The following STK3 variants were observed in gnomAD, a reference collection of about 807,000 sequenced individuals.
STK3 encodes serine/threonine-protein kinase 3.
STK3 carries 41 observed loss-of-function variants against 58.0 expected under a neutral mutation model. The observed-to-expected ratio is 0.71, with a 90% CI of 0.55 to 0.92. STK3 has a LOEUF of 0.92. Among genes scored for constraint, STK3 ranks in the 40% least tolerant of loss-of-function variants. The pLI, the probability that STK3 is intolerant of heterozygous loss-of-function variation, is 0.00. For missense variants in STK3, 479 were observed against 602.7 expected, an observed-to-expected ratio of 0.79 and a Z score of 2.15; for synonymous variants, 170 against 191.0, an observed-to-expected ratio of 0.89 and a Z score of 0.91.
At chr8:98,896,909 G>A (rs1048049769) in intron 1 of STK3, among the ~76,000 whole-genome samples, 2 of 152,112 alleles carry the variant, frequency 1.3e-5, no homozygotes, top group African/African-American at 4.8e-5. Context: ...AGCCCAATAG[G>A]TGGAGGCTGC....
rs191351690 is a variant in STK3 at position 98,740,737 on chromosome 8, T to C, written c.351+8539A>G. On this transcript the variant is annotated intron_variant, in intron 4 of 10. Transcript: ENST00000419617. ...TCATAATGACAGGATCAAATTCACA[T>C]ATAACAATATTAACTTTAAATGTAA... 1.4e-4 allele frequency among the ~76,000 whole-genome samples: 22 copies of C among 152,180 alleles called. No individual in the cohort carries two copies. The East Asian group carries it at 1.5e-3, about 11-fold the overall frequency.
intron 8 of STK3, among the ~76,000 whole-genome samples, chr8:98,561,584 G>A (rs977849380): frequency 5.3e-5 from 8 of 152,114 alleles, no homozygotes; most frequent in African/African-American, 1.7e-4. Flanking sequence ...CAGGAGGATT[G>A]TAGTTTGAGG....
At chr8:98,485,084 A>G (rs1049782561) in intron 10 of STK3, among the ~76,000 whole-genome samples, 34 of 152,258 alleles carry the variant, frequency 2.2e-4, no homozygotes, top group African/African-American at 8.2e-4. Flanking sequence ...TACTAAAAAT[A>G]CAAAAAATTA....
At chr8:98,473,023 C>T (rs756943549) in intron 10 of STK3, among the ~76,000 whole-genome samples, 115 of 152,158 alleles carry the variant, frequency 7.6e-4, no homozygotes, top group Non-Finnish European at 1.3e-3. Flanking sequence ...AAAGTGCCTT[C>T]AAAAATTTGT....
chr8:98,660,075 G>A (rs562601142), intron 6 of STK3, among the ~76,000 whole-genome samples: 1 of 151,918 alleles, frequency 6.6e-6, no homozygotes, highest in Non-Finnish European at 1.5e-5. Context: ...ACATATAATT[G>A]AATATTATTT....
intron 10 of STK3, among the ~76,000 whole-genome samples, chr8:98,468,033 G>A (rs1820619085): frequency 6.6e-6 from 1 of 152,188 alleles, no homozygotes; most frequent in South Asian, 2.1e-4. Flanking sequence ...AATTTAGATT[G>A]TAATAGATAA....
intron 1 of STK3, among the ~76,000 whole-genome samples, chr8:98,811,098 A>G (rs1834189477): frequency 6.6e-6 from 1 of 152,182 alleles, no homozygotes; most frequent in Admixed American, 6.5e-5. Flanking sequence ...CCTTTATACT[A>G]GCAACACAAA....
chr8:98,639,707 G>C (rs1819870443), intron 6 of STK3, among the ~76,000 whole-genome samples: 2 of 152,208 alleles, frequency 1.3e-5, no homozygotes, highest in Non-Finnish European at 2.9e-5. Flanking sequence ...TTCATCTGAT[G>C]TCAATGTTAC....
chr8:98,541,985 T>C (rs1370415998), intron 9 of STK3, among the ~76,000 whole-genome samples: 1 of 152,208 alleles, frequency 6.6e-6, no homozygotes, highest in Non-Finnish European at 1.5e-5. Context: ...GTGTCAACCC[T>C]GTGTCTATAT....
chr8:98,780,123 TA>T lies in STK3; in HGVS notation c.27-5305del, dbSNP rs147719571. On this transcript the variant is annotated intron_variant, in intron 1 of 10. Transcript: ENST00000419617. The stretch of plus-strand genomic sequence containing the variant: ...GATCACTATTGTCATAACTATATGG[TA>T]ATTATTAAAATTATTGATTACATTA... Among the ~76,000 whole-genome samples the T allele has an allele frequency of 5.5e-3, 835 of 151,668 alleles. 9 individuals carry two copies. The highest frequency in any genetic ancestry group is 0.019 in the African/African-American group (804 of 41,428).
chr8:98,819,345 G>C (rs919012090), intron 1 of STK3, among the ~76,000 whole-genome samples: 5 of 151,866 alleles, frequency 3.3e-5, no homozygotes, highest in South Asian at 2.1e-4. Flanking sequence ...AGTGTTCCTA[G>C]AGTCAACTAA....
the STK3 span, among the ~76,000 whole-genome samples, chr8:98,351,316 G>A: frequency 2.6e-5 from 4 of 152,188 alleles, no homozygotes; most frequent in Admixed American, 2.6e-4. Flanking sequence ...ATGGCTCCAT[G>A]TCCTGACAAT....
At position 98,711,181 on chromosome 8, in the gene STK3, C is replaced by G. The variant is rs192227206; in HGVS notation, c.352-3870G>C. 9.2e-3 allele frequency among the ~76,000 whole-genome samples: 1,399 copies of G among 152,156 alleles called. 16 individuals carry two copies. Among genetic ancestry groups the G allele is most frequent in the African/African-American group, 0.032 (1,322 of 41,514 alleles). The stretch of plus-strand genomic sequence containing the variant: ...AAAGGTAGATAAAACCACAAAGATG[C>G]AGAAAAAACAGAGCAGAAAAACTGG... On this transcript the variant is annotated intron_variant, in intron 4 of 10. Coordinates refer to ENST00000419617, the MANE Select transcript of STK3 (RefSeq NM_006281.4).
At chr8:98,672,160 T>C (rs1822878392) in intron 6 of STK3, among the ~76,000 whole-genome samples, 1 of 152,098 alleles carries the variant, frequency 6.6e-6, no homozygotes. Flanking sequence ...TTGCCCAGGC[T>C]GGTCTTGAAC....
chr8:98,799,535 C>T (rs1833382932), intron 1 of STK3, among the ~76,000 whole-genome samples: 1 of 152,144 alleles, frequency 6.6e-6, no homozygotes, highest in South Asian at 2.1e-4. Context: ...TCTGTCTACC[C>T]AGCCAAGGTA....
intron 1 of STK3, among the ~76,000 whole-genome samples, chr8:98,803,609 G>GAAAA (rs1564017236): frequency 8.0e-6 from 1 of 125,760 alleles, no homozygotes; most frequent in Non-Finnish European, 1.7e-5. Flanking sequence ...AAAAAAAAAA[G>GAAAA]AAAAAAAAAG....
At chr8:98,593,891 C>G (rs1441430556) in intron 7 of STK3, among the ~76,000 whole-genome samples, 1 of 151,634 alleles carries the variant, frequency 6.6e-6, no homozygotes, top group African/African-American at 2.4e-5. Flanking sequence ...ATTATCCTAC[C>G]CCCCCAAAAA....
chr8:98,871,821 G>C (rs1004627478), intron 3 of STK3, among the ~76,000 whole-genome samples: 1 of 152,118 alleles, frequency 6.6e-6, no homozygotes, highest in Admixed American at 6.6e-5. Flanking sequence ...TTTCCTACTT[G>C]AATACCCTTT....
chr8:98,778,460 A>ACT (rs1324021221), intron 1 of STK3, among the ~76,000 whole-genome samples: 2 of 152,144 alleles, frequency 1.3e-5, no homozygotes, highest in African/African-American at 4.8e-5. Context: ...ACCATTGTGG[A>ACT]AGACAGTGTG....
Sources: gnomAD v4.1 joint callset for allele counts (sites outside exome capture counted in the v4.1 genomes callset) on GRCh38, gnomAD v4.1.1 for gene constraint, MANE v1.5 for transcripts, NCBI Gene and HGNC (gene_info 2026-07-23, HGNC 2026-07-21) for gene names.